NSDHL: variants seen among roughly 807,000 people sequenced by gnomAD.
NSDHL encodes NAD(P) dependent 3-beta-hydroxysteroid dehydrogenase NSDHL.
Under a neutral mutation model 23.0 loss-of-function variants are expected in NSDHL, and 1 was observed. The observed-to-expected ratio is 0.04, with a 90% confidence interval of 0.02 to 0.21. The LOEUF (loss-of-function observed/expected upper bound fraction) is 0.21. NSDHL is among the 10% of genes least tolerant of loss of function. The pLI is 1.00. For missense variants in NSDHL, 237 were observed against 300.9 expected (o/e 0.79, Z 1.57); for synonymous variants, 128 against 121.1 (o/e 1.06, Z -0.37).
Position 152,865,902 on chromosome X carries a change from G to A in NSDHL, c.627G>A (p.Pro209=), listed in dbSNP as rs191732374. Residue 209 remains proline, a synonymous_variant, in exon 6 of 8, where the codon CCG becomes CCA. Coordinates refer to ENST00000370274, the MANE Select transcript of NSDHL (RefSeq NM_015922.3). The part of the protein sequence containing the change: ...RPHGIFGPRD[P]QLVPILIEAA... Reference sequence around the variant, plus strand: ...ATGGCATTTTCGGCCCAAGGGACCCGCAGTTGGTACCCATCCTCATCGAGG... The same window carrying A: ...ATGGCATTTTCGGCCCAAGGGACCCACAGTTGGTACCCATCCTCATCGAGG... 33 of 1,210,885 alleles carry A rather than the reference G, an allele frequency of 2.7e-5. No individual in the cohort carries two copies. The East Asian group carries it at 5.0e-4, about 18-fold the overall frequency.
chrX:152,845,851 C>T (rs1556845469), intron 1 of NSDHL, among the ~76,000 whole-genome samples: 1 of 112,230 alleles, frequency 8.9e-6, no homozygotes, highest in East Asian at 2.8e-4. Flanking sequence ...GTGACTGGAG[C>T]AATTCCGTAC....
At chrX:152,860,760 A>T (rs1933514538) in intron 4 of NSDHL, among the ~76,000 whole-genome samples, 1 of 110,646 alleles carries the variant, frequency 9.0e-6, no homozygotes, top group African/African-American at 3.3e-5. Flanking sequence ...ATAAAACAGC[A>T]CCTCTCCACT....
chrX:152,852,422 G>T (rs1458523930), intron 3 of NSDHL, among the ~76,000 whole-genome samples: 1 of 111,369 alleles, frequency 9.0e-6, no homozygotes, highest in Non-Finnish European at 1.9e-5. Flanking sequence ...TCTTTGAACT[G>T]AGTATATACT....
intron 1 of NSDHL, among the ~76,000 whole-genome samples, chrX:152,832,980 C>A (rs192009004): frequency 9.0e-6 from 1 of 111,601 alleles, no homozygotes; most frequent in Non-Finnish European, 1.9e-5. Context: ...GCAGGATCAG[C>A]TCCTCCTCAT....
intron 1 of NSDHL, among the ~76,000 whole-genome samples, chrX:152,843,805 C>T (rs1324432300): frequency 3.5e-5 from 4 of 112,718 alleles, no homozygotes; most frequent in Non-Finnish European, 7.5e-5. Flanking sequence ...TGATTCTTTC[C>T]ACCCAAGTTT....
chrX:152,864,988 A>G (rs1469411566), intron 5 of NSDHL, among the ~76,000 whole-genome samples: 1 of 112,570 alleles, frequency 8.9e-6, no homozygotes, highest in African/African-American at 3.2e-5. Context: ...AGCAACTCAC[A>G]TGGGCCATCT....
intron 3 of NSDHL, among the ~76,000 whole-genome samples, chrX:152,854,364 G>A (rs1239747979): frequency 9.0e-6 from 1 of 111,592 alleles, no homozygotes; most frequent in Non-Finnish European, 1.9e-5. Context: ...GATGTGATGT[G>A]GGTGAAAGAC....
intron 2 of NSDHL, 103 bp from the exon 3 acceptor site, chrX:152,850,162 A>T: frequency 1.2e-6 from 1 of 866,644 alleles, no homozygotes. Context: ...CCAAACAAAC[A>T]AGTATATCTG....
chrX:152,865,525 T>C (rs1933592643), intron 5 of NSDHL, among the ~76,000 whole-genome samples: 1 of 113,002 alleles, frequency 8.8e-6, no homozygotes, highest in Admixed American at 9.3e-5. Flanking sequence ...ATTTTAGCCT[T>C]TGAACGCAAA....
intron 1 of NSDHL, among the ~76,000 whole-genome samples, chrX:152,842,178 G>A (rs942106551): frequency 3.6e-5 from 4 of 112,324 alleles, no homozygotes; most frequent in Admixed American, 1.9e-4. Context: ...GAACATGGAT[G>A]TACAAATTTT....
At chrX:152,842,662 C>T (rs1933212240) in intron 1 of NSDHL, among the ~76,000 whole-genome samples, 1 of 111,146 alleles carries the variant, frequency 9.0e-6, no homozygotes, top group African/African-American at 3.3e-5. Context: ...CCACCACGCC[C>T]AGCTAATTTT....
intron 1 of NSDHL, among the ~76,000 whole-genome samples, chrX:152,834,824 C>G (rs987037238): frequency 3.6e-5 from 4 of 112,387 alleles, no homozygotes; most frequent in Admixed American, 9.4e-5. Context: ...CTTGGCATTC[C>G]TTGGATAGCC....
rs782154932 is a variant in NSDHL at position 152,862,734 on chromosome X, T to G, written c.543+10T>G. Reference sequence around the variant, plus strand: ...GATCTTACAGGAGAGGGTATGTACCTTGGAACTGGTTGAGTGAGCAGACTG... The same window carrying G: ...GATCTTACAGGAGAGGGTATGTACCGTGGAACTGGTTGAGTGAGCAGACTG... On this transcript the variant is annotated intron_variant, in intron 5 of 7. Transcript: ENST00000370274. 1 of 1,201,811 alleles carries G rather than the reference T, an allele frequency of 8.3e-7. No homozygotes were observed. Among genetic ancestry groups the G allele is most frequent in the South Asian group, 1.8e-5 (1 of 56,613 alleles).
At chrX:152,843,498 G>T (rs1261879551) in intron 1 of NSDHL, among the ~76,000 whole-genome samples, 3 of 111,473 alleles carry the variant, frequency 2.7e-5, no homozygotes, top group Non-Finnish European at 5.6e-5. Flanking sequence ...CCTTCTAGTG[G>T]CTCCAGGTGT....
At position 152,862,626 on chromosome X, in the gene NSDHL, A is replaced by G. The variant is rs368709430; in HGVS notation, c.445A>G (p.Ile149Val). The G allele has an allele frequency of 5.8e-6, 7 of 1,204,818 alleles. No homozygotes were observed. The highest frequency in any genetic ancestry group is 7.9e-6 in the Non-Finnish European group (7 of 890,756). ...CATTTTAACCAGCAGTGCCAGTGTC[A>G]TCTTTGAGGGCGTCGATATCAAGAA... The part of the protein sequence containing the change: ...KLILTSSASV[I>V]FEGVDIKNGT... The change falls in exon 5 of 8, where the codon ATC (isoleucine) becomes GTC (valine). Residue 149 changes from isoleucine (I) to valine (V), a missense_variant. Ile to Val is a conservative substitution (Grantham distance 29). Around this residue, in one of 3 missense-constraint regions of NSDHL, gnomAD observed 39 missense variants for 98.1 expected, o/e 0.40. Coordinates refer to ENST00000370274, the MANE Select transcript of NSDHL (RefSeq NM_015922.3).
chrX:152,836,071 C>T (rs992379628), intron 1 of NSDHL, among the ~76,000 whole-genome samples: 3 of 112,383 alleles, frequency 2.7e-5, no homozygotes, highest in Non-Finnish European at 5.6e-5. Context: ...AGCATTTTTT[C>T]GTGTGTCTGT....
intron 1 of NSDHL, among the ~76,000 whole-genome samples, chrX:152,840,258 A>G (rs1933169132): frequency 8.9e-6 from 1 of 112,099 alleles, no homozygotes. Context: ...ATGTTCCTTT[A>G]GCTCAGAGAA....
intron 1 of NSDHL, among the ~76,000 whole-genome samples, chrX:152,838,657 G>C (rs1320207326): frequency 8.9e-6 from 1 of 112,290 alleles, no homozygotes; most frequent in African/African-American, 3.2e-5. Flanking sequence ...CCCTGTGTCT[G>C]AGAGACGGTT....
chrX:152,853,725 C>T (rs782732692), intron 3 of NSDHL, among the ~76,000 whole-genome samples: 1 of 112,294 alleles, frequency 8.9e-6, no homozygotes, highest in African/African-American at 3.2e-5. Context: ...AAGTTTCTGC[C>T]TCAGGACCTT....
Sources: allele counts gnomAD v4.1 joint callset (sites outside exome capture counted in the v4.1 genomes callset), GRCh38; gene constraint gnomAD v4.1.1; regional missense constraint gnomAD v4.1.1; transcripts MANE v1.5; gene names NCBI Gene and HGNC (gene_info 2026-07-23, HGNC 2026-07-21).